Variants in FEZ2 observed in about 807,000 individuals in gnomAD.
FEZ2 encodes the protein fasciculation and elongation protein zeta-2.
FEZ2 carries 51 observed loss-of-function variants against 40.4 expected under a neutral mutation model. That is an observed-to-expected ratio of 1.26 (90% CI 1.01 to 1.59). FEZ2 has a LOEUF of 1.59. Among genes scored for constraint, FEZ2 ranks in the 40% most tolerant of loss-of-function variants. The pLI, the probability that FEZ2 is intolerant of heterozygous loss-of-function variation, is 0.00. For missense variants in FEZ2, 640 were observed against 438.3 expected, an observed-to-expected ratio of 1.46 and a Z score of -4.11; for synonymous variants, 242 against 172.0, an observed-to-expected ratio of 1.41 and a Z score of -3.18.
At chr2:36,563,224 T>A (rs1668137870) in intron 5 of FEZ2, among the ~76,000 whole-genome samples, 1 of 152,176 alleles carries the variant, frequency 6.6e-6, no homozygotes, top group Non-Finnish European at 1.5e-5. Flanking sequence ...CACCAGAATT[T>A]TAGGCTTAGG....
intron 5 of FEZ2, among the ~76,000 whole-genome samples, chr2:36,566,971 CTA>C (rs1491165313): frequency 3.3e-5 from 5 of 152,250 alleles, no homozygotes; most frequent in African/African-American, 1.2e-4. Flanking sequence ...CTCTCTCTCT[CTA>C]TAGGACTAAA....
intron 1 of FEZ2, among the ~76,000 whole-genome samples, chr2:36,594,038 GCAAAAT>G (rs1669145149): frequency 6.6e-6 from 1 of 151,954 alleles, no homozygotes; most frequent in Non-Finnish European, 1.5e-5. Context: ...TAGGGCAGGG[GCAAAAT>G]GCCACCAGTT....
At chr2:36,588,698 T>A (rs1215476818) in intron 2 of FEZ2, among the ~76,000 whole-genome samples, 1 of 152,142 alleles carries the variant, frequency 6.6e-6, no homozygotes, top group Admixed American at 6.5e-5. Context: ...ACAATATTTA[T>A]ATTATAAAGT....
At chr2:36,584,048 CCTGCT>C (rs1668832693) in intron 2 of FEZ2, 1 of 152,464 alleles carries the variant, frequency 6.6e-6, no homozygotes, top group South Asian at 2.1e-4. Context: ...CATCTTCCAC[CCTGCT>C]CTGCGCTCCA....
intron 1 of FEZ2, 82 bp from the exon 2 acceptor site, chr2:36,591,093 A>T: frequency 2.4e-6 from 2 of 839,992 alleles, no homozygotes; most frequent in Non-Finnish European, 4.0e-6. Context: ...AAAGATGAAC[A>T]GCAAATGTCA....
At chr2:36,572,009 C>T (rs576503474) in intron 5 of FEZ2, among the ~76,000 whole-genome samples, 15 of 123,932 alleles carry the variant, frequency 1.2e-4, no homozygotes, top group South Asian at 8.8e-4. Context: ...AGTGAGACTC[C>T]GTCTCAGGAA....
chr2:36,583,545 G>C, intron 2 of FEZ2, 76 bp from the exon 3 acceptor site: 1 of 786,226 alleles, frequency 1.3e-6, no homozygotes, highest in Non-Finnish European at 2.2e-6. Context: ...AGTAAAAGAG[G>C]CTGCAGAGAA....
intron 5 of FEZ2, among the ~76,000 whole-genome samples, chr2:36,571,632 G>A (rs1178562331): frequency 6.6e-6 from 1 of 151,972 alleles, no homozygotes; most frequent in Non-Finnish European, 1.5e-5. Flanking sequence ...TCCAGCCTGG[G>A]CAATAGAGCA....
intron 1 of FEZ2, among the ~76,000 whole-genome samples, chr2:36,597,497 A>C (rs1380281007): frequency 6.6e-6 from 1 of 152,188 alleles, no homozygotes; most frequent in Non-Finnish European, 1.5e-5. Context: ...AGCGCCTGGC[A>C]CTCAGCAGGT....
At chr2:36,574,279 G>C (rs552502859) in intron 5 of FEZ2, among the ~76,000 whole-genome samples, 11 of 152,256 alleles carry the variant, frequency 7.2e-5, no homozygotes, top group African/African-American at 1.7e-4. Context: ...ATATTCTATT[G>C]TCTTAGACAA....
At chr2:36,567,528 G>A (rs889639786) in intron 5 of FEZ2, among the ~76,000 whole-genome samples, 2 of 152,050 alleles carry the variant, frequency 1.3e-5, no homozygotes, top group East Asian at 1.9e-4. Flanking sequence ...TTGGGAGGCC[G>A]AGGTGGGTGG....
chr2:36,569,440 T>C (rs777235801), intron 5 of FEZ2, among the ~76,000 whole-genome samples: 15 of 152,120 alleles, frequency 9.9e-5, no homozygotes, highest in Non-Finnish European at 2.1e-4. Context: ...TAAAGAGACA[T>C]TACTATCTAT....
In FEZ2 at chr2:36,555,763, AG is replaced by A; in HGVS notation, c.980-16del. 2 of 1,484,246 alleles carry A rather than the reference AG, an allele frequency of 1.3e-6. No homozygotes were observed. Among genetic ancestry groups the A allele is most frequent in the Non-Finnish European group, 1.8e-6 (2 of 1,088,290 alleles). 91.9% of individuals were successfully genotyped at this position (1,484,246 alleles called of 1,614,324 possible). A position where few individuals can be genotyped will look rare whatever the true frequency, so the allele number is the denominator to read the frequency against. On this transcript the variant is annotated splice_polypyrimidine_tract_variant and intron_variant, in intron 6 of 7. Transcript: ENST00000405912. ...GGCACGAAGAACTGCAAAATAGAAG[AG>A]GGGAAAAAAGACAACAATTAAAAAT... is the stretch of plus-strand genomic sequence containing the variant.
chr2:36,560,052 G>A (rs191415900), intron 5 of FEZ2, among the ~76,000 whole-genome samples: 1 of 152,298 alleles, frequency 6.6e-6, no homozygotes, highest in African/African-American at 2.4e-5. Context: ...GCACAGAAGA[G>A]CTAACTTAAA....
rs2287105 is a variant in FEZ2, at chr2:36,591,164, T to C, written c.267-153A>G. 23,783 of 616,620 alleles carry C rather than the reference T, an allele frequency of 0.039. 3,483 individuals carry two copies. In the East Asian group the frequency reaches 0.42, roughly 11 times the overall value. The allele number at this position is 616,620 out of a possible 1,614,324, so 38.2% of individuals were successfully genotyped here. ...TCAGAAAAACATCAACAAAGTAGAGTCTCCTAAACAAAAACGAGGTGAAAA... is the reference window on the plus strand; with the variant it reads ...TCAGAAAAACATCAACAAAGTAGAGCCTCCTAAACAAAAACGAGGTGAAAA... On this transcript the variant is annotated intron_variant, in intron 1 of 7. Transcript: ENST00000405912.
At chr2:36,580,989 T>C (rs1216087329) in intron 4 of FEZ2, among the ~76,000 whole-genome samples, 1 of 152,142 alleles carries the variant, frequency 6.6e-6, no homozygotes, top group East Asian at 1.9e-4. Flanking sequence ...CCGTCTCTAC[T>C]AAAAATGTAA....
chr2:36,573,888 C>T (rs182671991), intron 5 of FEZ2, among the ~76,000 whole-genome samples: 135 of 152,322 alleles, frequency 8.9e-4, no homozygotes, highest in African/African-American at 3.1e-3. Flanking sequence ...GTCACTCTTA[C>T]GCTCTACTGG....
intron 5 of FEZ2, among the ~76,000 whole-genome samples, chr2:36,563,406 G>A (rs1359339326): frequency 6.6e-6 from 1 of 151,688 alleles, no homozygotes; most frequent in Non-Finnish European, 1.5e-5. Context: ...ACTGTCCCCA[G>A]CTCTTTCACT....
chr2:36,566,945 G>GACAC (rs35402959), intron 5 of FEZ2, among the ~76,000 whole-genome samples: 2,690 of 150,770 alleles, frequency 0.018, 72 homozygotes, highest in African/African-American at 0.06. Flanking sequence ...CATACGCATA[G>GACAC]ACACACACAC....
Sources: allele counts gnomAD v4.1 joint callset (sites outside exome capture counted in the v4.1 genomes callset), GRCh38; gene constraint gnomAD v4.1.1; transcripts MANE v1.5; gene names NCBI Gene and HGNC (gene_info 2026-07-23, HGNC 2026-07-21).